SYNE2: variants seen among roughly 807,000 people sequenced by gnomAD.
The protein encoded by SYNE2 is spectrin repeat containing nuclear envelope protein 2.
In SYNE2, 431 loss-of-function variants were observed where a neutral mutation model predicts 856.3. That is an observed-to-expected ratio of 0.50 (90% confidence interval 0.47 to 0.55). SYNE2 has a LOEUF of 0.55. SYNE2 is among the 20% of genes least tolerant of loss of function. The probability of loss-of-function intolerance (pLI) is 0.00; values close to 1 mark genes in which losing one functional copy is unlikely to be tolerated. For missense variants in SYNE2, 8,129 were observed against 8,023.2 expected (o/e 1.01, Z -0.50); for synonymous variants, 2,923 against 2,872.3 (o/e 1.02, Z -0.56).
intron 1 of SYNE2, among the ~76,000 whole-genome samples, chr14:63,763,114 CCCA>C (rs1372190507): frequency 6.6e-6 from 1 of 151,984 alleles, no homozygotes; most frequent in African/African-American, 2.4e-5. Context: ...ACTACAGGCG[CCCA>C]CCACCACACC....
intron 3 of SYNE2, among the ~76,000 whole-genome samples, chr14:63,941,403 C>T (rs1356596311): frequency 1.3e-5 from 2 of 152,186 alleles, no homozygotes; most frequent in Admixed American, 6.5e-5. Context: ...GGGTCACTAG[C>T]GACTGATTCT....
rs755831302 is a variant in SYNE2, at chr14:64,126,736, C to A, written c.13846C>A (p.His4616Asn). 1 of 1,614,152 alleles carries A rather than the reference C, an allele frequency of 6.2e-7. No individual in the cohort carries two copies. The highest frequency in any genetic ancestry group is 1.1e-5 in the South Asian group (1 of 91,088). ...CFDNLQVCLE[H>N]TQAAAVCRSK... ...TGACAACCTTCAAGTCTGCCTGGAG[C>A]ACACTCAGGCTGCAGCTGTCTGTAG... Residue 4616 changes from histidine (H) to asparagine (N), a missense_variant, in exon 73 of 116, where the codon CAC (histidine) becomes AAC (asparagine). By Grantham distance (68) the His-to-Asn change is moderately conservative. Around this residue, in one of 3 missense-constraint regions of SYNE2, gnomAD observed 5,410 missense variants for 5,284.8 expected, o/e 1.02. Coordinates refer to ENST00000555002, the MANE Select transcript of SYNE2 (RefSeq NM_182914.3).
chr14:64,020,630 G>A (rs747953640), intron 35 of SYNE2, among the ~76,000 whole-genome samples: 15 of 152,190 alleles, frequency 9.9e-5, no homozygotes, highest in Non-Finnish European at 1.9e-4. Context: ...CTGTGCATCT[G>A]TGTAAAGTAA....
At chr14:63,999,955 T>C (rs1364964737) in intron 27 of SYNE2, among the ~76,000 whole-genome samples, 1 of 152,202 alleles carries the variant, frequency 6.6e-6, no homozygotes, top group Non-Finnish European at 1.5e-5. Context: ...TTGAGACGTT[T>C]CTCCAGTGAC....
chr14:64,128,608 A>C, intron 74 of SYNE2, 55 bp downstream of exon 74: 1 of 1,085,722 alleles, frequency 9.2e-7, no homozygotes, highest in Non-Finnish European at 1.4e-6. Context: ...AGAGCTTTGC[A>C]TATAAGCCGT....
intron 102 of SYNE2, 116 bp from the exon 103 acceptor site, chr14:64,209,826 C>A: frequency 1.4e-6 from 2 of 1,415,898 alleles, no homozygotes; most frequent in South Asian, 1.2e-5. Context: ...AGGCCCTCTG[C>A]TGCCATTGCA....
At position 63,919,119 on chromosome 14, in the gene SYNE2, T is replaced by C. The variant is rs539372706; in HGVS notation, c.79+9892T>C. On this transcript the variant is annotated intron_variant, in intron 2 of 115. Coordinates refer to ENST00000555002, the MANE Select transcript of SYNE2 (RefSeq NM_182914.3). ...CTCTCTGATTCATTCATGCAGCAAA[T>C]GTTTCCTGTGACCCTACCTTGTATC... Among the ~76,000 whole-genome samples the C allele has an allele frequency of 1.5e-4, 23 of 152,322 alleles. No individual in the cohort carries two copies. The East Asian group carries it at 3.7e-3, about 24-fold the overall frequency.
At chr14:63,842,259 C>T (rs1204958752) in intron 1 of SYNE2, among the ~76,000 whole-genome samples, 2 of 152,034 alleles carry the variant, frequency 1.3e-5, no homozygotes, top group Admixed American at 6.6e-5. Flanking sequence ...GCAACCTGCG[C>T]CTGCCAGGCT....
chr14:64,115,759 A>T (rs747205506), intron 66 of SYNE2, among the ~76,000 whole-genome samples: 6 of 152,188 alleles, frequency 3.9e-5, no homozygotes, highest in African/African-American at 9.7e-5. Flanking sequence ...ATAACATAAC[A>T]CAATAAAGTT....
Position 64,125,686 on chromosome 14 carries a change from G to C in SYNE2, c.13554+476G>C, listed in dbSNP as rs949476248. On this transcript the variant is annotated intron_variant, in intron 71 of 115. Transcript: ENST00000555002. Reference sequence around the variant, plus strand: ...AACTGTTCAAGAATTCAGGGTAACTGTGGGTAAAGAAAAAGAGGTGGCCCC... The same window carrying C: ...AACTGTTCAAGAATTCAGGGTAACTCTGGGTAAAGAAAAAGAGGTGGCCCC... 1.1e-4 allele frequency among the ~76,000 whole-genome samples: 17 copies of C among 152,258 alleles called. No homozygotes were observed. In the East Asian group the frequency reaches 3.1e-3, roughly 28 times the overall value.
At chr14:63,841,989 T>G (rs143139003) in intron 1 of SYNE2, among the ~76,000 whole-genome samples, 1 of 151,504 alleles carries the variant, frequency 6.6e-6, no homozygotes, top group Admixed American at 6.6e-5. Context: ...CCCACCACCA[T>G]GCCCGGCTAA....
At position 63,976,650 on chromosome 14, in the gene SYNE2, A is replaced by G; in HGVS notation, c.1216A>G (p.Met406Val). 1.2e-6 allele frequency: 2 copies of G among 1,608,786 alleles called. No homozygotes were observed. The highest frequency in any genetic ancestry group is 1.7e-6 in the Non-Finnish European group (2 of 1,179,184). ...EAWLQEVEEL[M>V]DEDLSASQDH... Reference sequence around the variant, plus strand: ...TTGGCTCCAGGAGGTAGAAGAGCTTATGGATGAAGATTTGTCAGCCTCCCA... The same window carrying G: ...TTGGCTCCAGGAGGTAGAAGAGCTTGTGGATGAAGATTTGTCAGCCTCCCA... Residue 406 changes from methionine (M) to valine (V), a missense_variant, in exon 12 of 116, where the codon ATG becomes GTG. Met to Val is a conservative substitution (Grantham distance 21). Transcript: ENST00000555002.
chr14:64,173,494 T>C (rs1158459579), intron 94 of SYNE2, among the ~76,000 whole-genome samples: 1 of 152,228 alleles, frequency 6.6e-6, no homozygotes, highest in Non-Finnish European at 1.5e-5. Context: ...AATGCCTTTG[T>C]AAATTAGTGA....
In SYNE2 at chr14:64,221,582, C is replaced by A. The variant is rs908836747; in HGVS notation, c.20068C>A (p.His6690Asn). 1 of 1,614,170 alleles carries A rather than the reference C, an allele frequency of 6.2e-7. No homozygotes were observed. The highest frequency in any genetic ancestry group is 2.2e-5 in the East Asian group (1 of 44,888). ...TGATGTGTTGTTTTTTAAGGACTTC[C>A]ACCAGTTGAGTCAAAATCTGCTGCT... ...RQSLMQCQDF[H>N]QLSQNLLLWL... The change falls in exon 112 of 116, where the codon CAC (histidine) becomes AAC (asparagine). Residue 6690 changes from histidine (H) to asparagine (N), a missense_variant. By Grantham distance (68) the His-to-Asn change is moderately conservative. This residue lies in a region of SYNE2 where 5,410 missense variants were observed against 5,284.8 expected (regional missense o/e 1.02). Transcript: ENST00000555002.
chr14:64,129,816 C>G lies in SYNE2; in HGVS notation c.14054C>G (p.Ala4685Gly), dbSNP rs1209487198. ...ADAYTVELEN[A>G]ESRVAKLRDE... ...GCATATACAGTGGAGCTGGAGAACG[C>G]CGAGAGCCGAGTGGCCAAACTAAGA... Residue 4685 changes from alanine (A) to glycine (G), a missense_variant, in exon 75 of 116, where the codon GCC becomes GGC. Ala to Gly is a moderately conservative substitution (Grantham distance 60, BLOSUM62 0). This residue lies in a region of SYNE2 where 5,410 missense variants were observed against 5,284.8 expected (regional missense o/e 1.02). Coordinates refer to ENST00000555002, the MANE Select transcript of SYNE2 (RefSeq NM_182914.3). The G allele has an allele frequency of 6.2e-7, 1 of 1,614,140 alleles. No individual in the cohort carries two copies. Among genetic ancestry groups the G allele is most frequent in the Non-Finnish European group, 8.5e-7 (1 of 1,180,030 alleles).
At chr14:64,073,307 G>A (rs1249220300) in intron 52 of SYNE2, among the ~76,000 whole-genome samples, 1 of 152,050 alleles carries the variant, frequency 6.6e-6, no homozygotes, top group Non-Finnish European at 1.5e-5. Flanking sequence ...TGCCTTCTTA[G>A]AACTAAAGAT....
At chr14:64,207,677 C>T (rs575727794) in intron 100 of SYNE2, among the ~76,000 whole-genome samples, 1 of 151,724 alleles carries the variant, frequency 6.6e-6, no homozygotes, top group Admixed American at 6.5e-5. Flanking sequence ...GTGACAGCTA[C>T]CATTTATAGT....
At chr14:64,221,772 A>C in intron 112 of SYNE2, 68 bp downstream of exon 112, 1 of 1,572,924 alleles carries the variant, frequency 6.4e-7, no homozygotes, top group Middle Eastern at 2.1e-4. Context: ...CAGCACACTC[A>C]GGTAGCCTCG....
chr14:63,915,794 C>G (rs1343921725), intron 2 of SYNE2, among the ~76,000 whole-genome samples: 1 of 152,030 alleles, frequency 6.6e-6, no homozygotes, highest in African/African-American at 2.4e-5. Flanking sequence ...ACGTGAGTCT[C>G]TGTAGTTAGG....
Sources: allele counts gnomAD v4.1 joint callset (sites outside exome capture counted in the v4.1 genomes callset), GRCh38; gene constraint gnomAD v4.1.1; regional missense constraint gnomAD v4.1.1; transcripts MANE v1.5; gene names NCBI Gene and HGNC (gene_info 2026-07-23, HGNC 2026-07-21).